The following SPATA9 variants were observed in gnomAD, a reference collection of about 807,000 sequenced individuals.
SPATA9 encodes spermatogenesis associated 9, also known as spermatogenesis-associated protein 9.
In SPATA9, 27 loss-of-function variants were observed where a neutral mutation model predicts 25.5. That is an observed-to-expected ratio of 1.06 (90% CI 0.78 to 1.46). The LOEUF (loss-of-function observed/expected upper bound fraction) is 1.46, where lower values mean the gene tolerates loss of function less well. Among genes scored for constraint, SPATA9 ranks in the 40% most tolerant of loss-of-function variants. The probability of loss-of-function intolerance (pLI) is 0.00; values close to 1 mark genes in which losing one functional copy is unlikely to be tolerated. For missense variants in SPATA9, 282 were observed against 297.5 expected (o/e 0.95, Z 0.38); for synonymous variants, 102 against 105.7 (o/e 0.97, Z 0.21).
chr5:95,706,521 A>G, the SPATA9 span, among the ~76,000 whole-genome samples: 44 of 152,014 alleles, frequency 2.9e-4, no homozygotes, highest in South Asian at 1.7e-3. Flanking sequence ...CAGAATTGTG[A>G]GCCAATTAAA....
the SPATA9 span, among the ~76,000 whole-genome samples, chr5:95,728,965 C>T: frequency 8.4e-3 from 1,272 of 152,300 alleles, 17 homozygotes; most frequent in African/African-American, 0.029. Context: ...AATGAGTCTA[C>T]AAATGTCACG....
At chr5:95,724,326 T>C in the SPATA9 span, among the ~76,000 whole-genome samples, 31 of 152,370 alleles carry the variant, frequency 2.0e-4, no homozygotes, top group Admixed American at 4.6e-4. Context: ...TGCAAAATGT[T>C]ACTCATCTGT....
chr5:95,673,979 A>G (rs1752669106), intron 3 of SPATA9, among the ~76,000 whole-genome samples: 2 of 151,996 alleles, frequency 1.3e-5, no homozygotes, highest in African/African-American at 4.8e-5. Context: ...AGCTCAAAGG[A>G]TCCGCCCGCC....
chr5:95,653,978 A>T, downstream of SPATA9: 1 of 1,117,312 alleles, frequency 9.0e-7, no homozygotes, highest in Non-Finnish European at 1.3e-6. Context: ...AGTCCGAACT[A>T]TTCATTCTTA....
At chr5:95,667,279 G>A (rs999724634) in intron 3 of SPATA9, among the ~76,000 whole-genome samples, 10 of 116,298 alleles carry the variant, frequency 8.6e-5, no homozygotes, top group African/African-American at 3.3e-4. Flanking sequence ...ACAGAACAAG[G>A]AAACCAAGAA....
chr5:95,675,728 C>T, intron 2 of SPATA9, 89 bp from the exon 3 acceptor site: 1 of 990,948 alleles, frequency 1.0e-6, no homozygotes, highest in East Asian at 2.6e-5. Context: ...TACTATATAA[C>T]TACATTGTGC....
chr5:95,667,300 C>T (rs1366161605), intron 3 of SPATA9, among the ~76,000 whole-genome samples: 1 of 135,182 alleles, frequency 7.4e-6, no homozygotes, highest in African/African-American at 2.8e-5. Flanking sequence ...TAGGATCTAG[C>T]CTAGTAGCTA....
chr5:95,731,701 G>T, the SPATA9 span: 1 of 1,613,104 alleles, frequency 6.2e-7, no homozygotes, highest in Non-Finnish European at 8.5e-7. Flanking sequence ...ACGCGCCGCC[G>T]TCCTGCCATT....
At chr5:95,668,607 A>G (rs1470099574) in intron 3 of SPATA9, among the ~76,000 whole-genome samples, 2 of 152,148 alleles carry the variant, frequency 1.3e-5, no homozygotes, top group African/African-American at 4.8e-5. Flanking sequence ...ATTTCACTTT[A>G]TGTGCATATT....
intron 3 of SPATA9, among the ~76,000 whole-genome samples, chr5:95,673,855 T>C (rs1022411282): frequency 6.6e-6 from 1 of 152,050 alleles, no homozygotes; most frequent in Non-Finnish European, 1.5e-5. Context: ...GTGATTCTCC[T>C]GCCTCAGCCT....
the SPATA9 span, among the ~76,000 whole-genome samples, chr5:95,720,732 A>C: frequency 6.6e-6 from 1 of 152,060 alleles, no homozygotes; most frequent in African/African-American, 2.4e-5. Context: ...TTTTGTTCAT[A>C]GATAGACTCG....
chr5:95,703,497 G>C (rs562193172), upstream of SPATA9, among the ~76,000 whole-genome samples: 16 of 152,208 alleles, frequency 1.1e-4, no homozygotes, highest in African/African-American at 3.9e-4. Flanking sequence ...AGCTGGGCCT[G>C]GTGCCACACG....
downstream of SPATA9, among the ~76,000 whole-genome samples, chr5:95,654,551 T>C (rs1750609759): frequency 6.6e-6 from 1 of 152,234 alleles, no homozygotes; most frequent in Non-Finnish European, 1.5e-5. Flanking sequence ...ATCTATTCTA[T>C]GGCCATAATT....
the SPATA9 span, among the ~76,000 whole-genome samples, chr5:95,713,097 A>C: frequency 6.6e-6 from 1 of 152,168 alleles, no homozygotes; most frequent in Non-Finnish European, 1.5e-5. Flanking sequence ...TTAATTTTTC[A>C]ATTTGTTTTA....
At chr5:95,689,033 T>C (rs1399556116) in intron 1 of SPATA9, among the ~76,000 whole-genome samples, 1 of 152,002 alleles carries the variant, frequency 6.6e-6, no homozygotes, top group Admixed American at 6.6e-5. Context: ...TAAATACACA[T>C]AGACACACAT....
the SPATA9 span, among the ~76,000 whole-genome samples, chr5:95,715,537 T>G: frequency 1.3e-5 from 2 of 152,166 alleles, no homozygotes; most frequent in Non-Finnish European, 2.9e-5. Context: ...AGAATATCCA[T>G]GTGGAGAAAA....
At chr5:95,691,873 A>G (rs1162780826) in intron 1 of SPATA9, among the ~76,000 whole-genome samples, 1 of 152,058 alleles carries the variant, frequency 6.6e-6, no homozygotes, top group Non-Finnish European at 1.5e-5. Context: ...TTCTATGCCA[A>G]TTTTGGTTTT....
At chr5:95,728,408 T>C in the SPATA9 span, among the ~76,000 whole-genome samples, 3 of 152,214 alleles carry the variant, frequency 2.0e-5, no homozygotes, top group African/African-American at 7.2e-5. Flanking sequence ...TCTAACCTCC[T>C]CTTCTTCCAA....
chr5:95,683,705 C>A (rs1753633644), upstream of SPATA9, among the ~76,000 whole-genome samples: 2 of 151,950 alleles, frequency 1.3e-5, no homozygotes. Flanking sequence ...GCCTGGCTAA[C>A]TTTTTGCATT....
Sources: allele counts gnomAD v4.1 joint callset (sites outside exome capture counted in the v4.1 genomes callset), GRCh38; gene constraint gnomAD v4.1.1; transcripts MANE v1.5; gene names NCBI Gene and HGNC (gene_info 2026-07-23, HGNC 2026-07-21).